BAZ1A: variants seen among roughly 807,000 people sequenced by gnomAD.
The protein encoded by BAZ1A is bromodomain adjacent to zinc finger domain 1A, also known as bromodomain adjacent to zinc finger domain protein 1A.
In BAZ1A, 50 loss-of-function variants were observed where a neutral mutation model predicts 185.2. The ratio of observed to expected loss-of-function variants is 0.27; its 90% confidence interval spans 0.22 to 0.34. The LOEUF (loss-of-function observed/expected upper bound fraction) is 0.34. Among genes scored for constraint, BAZ1A ranks in the 10% least tolerant of loss-of-function variants. BAZ1A has a pLI of 1.00. For synonymous variants in BAZ1A, 571 were observed against 615.6 expected (o/e 0.93, Z 1.07); for missense variants, 1,356 against 1,839.9 (o/e 0.74, Z 4.81).
chr14:34,794,702 A>G (rs749863472), intron 11 of BAZ1A, 47 bp downstream of exon 11: 3 of 1,568,588 alleles, frequency 1.9e-6, no homozygotes, highest in South Asian at 2.4e-5. Flanking sequence ...AAAGCCACTA[A>G]TTTTAGGATG....
rs11448366 is a variant in BAZ1A at position 34,803,380 on chromosome 14, GAA to G, written c.727-394_727-393del. ...GTGACAGAGTAAGACTCCATCTCAG[GAA>G]AAAAAAAAAAAAAAAAGATAAGGAT... On this transcript the variant is annotated intron_variant, in intron 6 of 26. Coordinates refer to ENST00000360310, the MANE Select transcript of BAZ1A (RefSeq NM_013448.3). Among the ~76,000 whole-genome samples the G allele has an allele frequency of 7.1e-3, 812 of 114,844 alleles. 11 individuals carry two copies. Among genetic ancestry groups the G allele is most frequent in the African/African-American group, 0.026 (781 of 29,834 alleles). 75.3% of individuals were successfully genotyped at this position (114,844 alleles called of 152,430 possible).
At position 34,874,613 on chromosome 14, in the gene BAZ1A, C is replaced by G; in HGVS notation, c.-9G>C. 2 of 1,603,068 alleles carry G rather than the reference C, an allele frequency of 1.2e-6. No individual in the cohort carries two copies. Reference sequence around the variant, plus strand: ...CGGTGTAGCAGCGGCATCTCCCGTCCGCCCGCGGGCTCGCCTGGACCCTCG... The same window carrying G: ...CGGTGTAGCAGCGGCATCTCCCGTCGGCCCGCGGGCTCGCCTGGACCCTCG... On this transcript the variant is annotated 5_prime_UTR_variant, in exon 2 of 27. Transcript: ENST00000360310. This position sits in a 1 kb window ranked among gnomAD's most constrained non-coding sequence, Gnocchi z 4.7.
intron 3 of BAZ1A, among the ~76,000 whole-genome samples, chr14:34,856,287 A>ATTTT (rs746440929): frequency 9.6e-6 from 1 of 104,068 alleles, no homozygotes; most frequent in African/African-American, 3.4e-5. Context: ...ACTCAAGAGC[A>ATTTT]TCTTTTTTTT....
chr14:34,805,622 C>CATATAATA (rs1881812741), intron 6 of BAZ1A, among the ~76,000 whole-genome samples: 1 of 146,186 alleles, frequency 6.8e-6, no homozygotes, highest in Admixed American at 6.7e-5. Context: ...ATATGGCTGC[C>CATATAATA]TGATAATGCT....
At position 34,869,799 on chromosome 14, in the gene BAZ1A, G is replaced by C. The variant is rs145519596; in HGVS notation, c.113+4693C>G. Among the ~76,000 whole-genome samples the C allele has an allele frequency of 2.8e-3, 423 of 152,164 alleles. 1 individual carries two copies. The highest frequency in any genetic ancestry group is 1.0e-2 in the African/African-American group (415 of 41,526). ...TCTATTTCATGACCTCTTGAATCTG[G>C]GCTGACCTTGTAATCTGTTTTGACC... On this transcript the variant is annotated intron_variant, in intron 2 of 26. Transcript: ENST00000360310.
At position 34,792,844 on chromosome 14, in the gene BAZ1A, T is replaced by C; in HGVS notation, c.1441A>G (p.Ile481Val). ...CELLFFFLTAIFQAIAEEEEE... is the reference protein window; with the variant it reads ...CELLFFFLTAVFQAIAEEEEE... Reference sequence around the variant, plus strand: ...TCTTCTTCAGCTATTGCCTGGAAGATTGCAGTCAGGAAGAAAAAAAGCAAT... The same window carrying C: ...TCTTCTTCAGCTATTGCCTGGAAGACTGCAGTCAGGAAGAAAAAAAGCAAT... Residue 481 changes from isoleucine to valine, a missense_variant, in exon 12 of 27, where the codon ATC (isoleucine) becomes GTC (valine). By Grantham distance (29) the Ile-to-Val change is conservative (BLOSUM62 3). Around this residue, in one of 7 missense-constraint regions of BAZ1A, gnomAD observed 184 missense variants for 355.1 expected, o/e 0.52. Coordinates refer to ENST00000360310, the MANE Select transcript of BAZ1A (RefSeq NM_013448.3). 6.2e-7 allele frequency: 1 copy of C among 1,613,926 alleles called. No individual in the cohort carries two copies. The highest frequency in any genetic ancestry group is 8.5e-7 in the Non-Finnish European group (1 of 1,179,950).
chr14:34,819,282 C>T (rs1483928513), intron 4 of BAZ1A, among the ~76,000 whole-genome samples: 1 of 151,960 alleles, frequency 6.6e-6, no homozygotes, highest in African/African-American at 2.4e-5. Context: ...GGAACATATC[C>T]CCCATGGATA....
chr14:34,791,861 A>C (rs760880443), intron 12 of BAZ1A, among the ~76,000 whole-genome samples: 1 of 152,222 alleles, frequency 6.6e-6, no homozygotes, highest in Non-Finnish European at 1.5e-5. Context: ...ATCCTAAACA[A>C]AATAGTGAAC....
intron 25 of BAZ1A, 50 bp downstream of exon 25, chr14:34,758,654 A>G (rs749050102): frequency 1.3e-6 from 2 of 1,577,640 alleles, no homozygotes; most frequent in Non-Finnish European, 1.7e-6. Flanking sequence ...TATCACGTGG[A>G]CTAAATCAGA....
Position 34,785,870 on chromosome 14 carries a change from C to G in BAZ1A, c.1738G>C (p.Asp580His). The G allele has an allele frequency of 6.2e-7, 1 of 1,614,060 alleles. No homozygotes were observed. Among genetic ancestry groups the G allele is most frequent in the Non-Finnish European group, 8.5e-7 (1 of 1,180,008 alleles). ...KYRYQKRGGF[D>H]ATDDACMELR... ...TCCATACAAGCATCATCTGTAGCAT[C>G]AAATCCTCCTCGTTTTTGATATCTA... Residue 580 changes from aspartate to histidine, a missense_variant, in exon 14 of 27, where the codon GAT becomes CAT. By Grantham distance (81) the Asp-to-His change is moderately conservative (BLOSUM62 -1). Coordinates refer to ENST00000360310, the MANE Select transcript of BAZ1A (RefSeq NM_013448.3).
chr14:34,843,432 C>T (rs774477990), intron 3 of BAZ1A, among the ~76,000 whole-genome samples: 9 of 152,094 alleles, frequency 5.9e-5, no homozygotes, highest in Non-Finnish European at 1.3e-4. Flanking sequence ...TAGGGCTAGT[C>T]GCCTGTAGAA....
At chr14:34,832,608 G>A (rs2042265984) in intron 3 of BAZ1A, among the ~76,000 whole-genome samples, 1 of 151,922 alleles carries the variant, frequency 6.6e-6, no homozygotes. Context: ...AATGAGATAC[G>A]ACTTCACACT....
intron 2 of BAZ1A, among the ~76,000 whole-genome samples, chr14:34,868,476 A>C (rs1243728201): frequency 6.6e-6 from 1 of 152,142 alleles, no homozygotes; most frequent in Non-Finnish European, 1.5e-5. Context: ...AAAAACTAAA[A>C]ACCTAGTAGG....
At chr14:34,782,245 A>G (rs924125281) in intron 16 of BAZ1A, among the ~76,000 whole-genome samples, 2 of 152,160 alleles carry the variant, frequency 1.3e-5, no homozygotes, top group Non-Finnish European at 2.9e-5. Context: ...TTGTTTGTCA[A>G]TTTGATTATA....
Position 34,758,892 on chromosome 14 carries a change from T to C in BAZ1A, c.4244-46A>G, listed in dbSNP as rs1032530422. ...TTTTAGGTGATAACAAAGCAAAATA[T>C]TGGTTCACTACACGCCAAACTGGAT... On this transcript the variant is annotated intron_variant, in intron 24 of 26. Coordinates refer to ENST00000360310, the MANE Select transcript of BAZ1A (RefSeq NM_013448.3). 6 of 1,596,222 alleles carry C rather than the reference T, an allele frequency of 3.8e-6. No homozygotes were observed. The Middle Eastern group carries it at 5.0e-4, about 133-fold the overall frequency.
chr14:34,840,115 T>C (rs2042391711), intron 3 of BAZ1A, among the ~76,000 whole-genome samples: 2 of 152,168 alleles, frequency 1.3e-5, no homozygotes, highest in African/African-American at 4.8e-5. Flanking sequence ...AGAAAAATAA[T>C]TACTGCTTTT....
intron 3 of BAZ1A, among the ~76,000 whole-genome samples, chr14:34,860,966 A>ATTTGG (rs892085448): frequency 6.6e-5 from 10 of 152,172 alleles, no homozygotes; most frequent in African/African-American, 2.2e-4. Context: ...ATATAAACAC[A>ATTTGG]TTTGGTTGCT....
chr14:34,805,728 C>T (rs992860069), intron 6 of BAZ1A, among the ~76,000 whole-genome samples: 2 of 152,166 alleles, frequency 1.3e-5, no homozygotes, highest in African/African-American at 4.8e-5. Context: ...CTTACGTTTT[C>T]AAGTTTTTAT....
intron 12 of BAZ1A, among the ~76,000 whole-genome samples, chr14:34,790,469 T>C (rs1671798536): frequency 6.6e-6 from 1 of 152,178 alleles, no homozygotes; most frequent in Admixed American, 6.5e-5. Context: ...TTATGGTGCC[T>C]TAGCTTCCCA....
Sources: allele counts gnomAD v4.1 joint callset (sites outside exome capture counted in the v4.1 genomes callset), GRCh38; gene constraint gnomAD v4.1.1; regional missense constraint gnomAD v4.1.1; non-coding constraint Gnocchi (gnomAD v3.1); transcripts MANE v1.5; gene names NCBI Gene and HGNC (gene_info 2026-07-23, HGNC 2026-07-21).